TEX15: variants seen among roughly 807,000 people sequenced by gnomAD.
TEX15 encodes testis expressed 15, meiosis and synapsis associated, also known as testis-expressed protein 15.
TEX15 carries 171 observed loss-of-function variants against 237.3 expected under a neutral mutation model. That is an observed-to-expected ratio of 0.72 (90% CI 0.64 to 0.82). The LOEUF (loss-of-function observed/expected upper bound fraction) is 0.82. Ranked by LOEUF, TEX15 falls within the 40% of genes least tolerant of loss-of-function variation. TEX15 has a pLI of 0.00. For missense variants in TEX15, 3,750 were observed against 3,646.5 expected (o/e 1.03, Z -0.73); for synonymous variants, 1,338 against 1,269.8 (o/e 1.05, Z -1.14).
At chr8:30,897,802 A>G (rs1808934343) in intron 2 of TEX15, among the ~76,000 whole-genome samples, 1 of 152,094 alleles carries the variant, frequency 6.6e-6, no homozygotes, top group South Asian at 2.1e-4. Flanking sequence ...CTAGGATTGC[A>G]AGCACATGCC....
chr8:30,900,455 T>C (rs1447566041), intron 1 of TEX15, among the ~76,000 whole-genome samples: 1 of 152,234 alleles, frequency 6.6e-6, no homozygotes, highest in Admixed American at 6.5e-5. Context: ...ATTATATGAG[T>C]AATATGTGTA....
At chr8:30,858,637 T>C (rs1373924381) in intron 7 of TEX15, 31 bp downstream of exon 7, 1 of 1,492,004 alleles carries the variant, frequency 6.7e-7, no homozygotes, top group Non-Finnish European at 8.9e-7. Flanking sequence ...AGCACAAATA[T>C]TAATCAAGTA....
Position 30,848,075 on chromosome 8 carries a change from T to C in TEX15, c.2092A>G (p.Ile698Val), listed in dbSNP as rs368805636. 15 of 1,612,818 alleles carry C rather than the reference T, an allele frequency of 9.3e-6. No homozygotes were observed. Among genetic ancestry groups the C allele is most frequent in the Admixed American group, 5.0e-5 (3 of 59,940 alleles). Residue 698 changes from isoleucine (I) to valine (V), a missense_variant, in exon 8 of 11, where the codon ATA (isoleucine) becomes GTA (valine). Transcript: ENST00000643185. ...TGATCTAGTTCATCCTTATCCTTTA[T>C]GGTAGATGTAGAAGATTTTGTTATT... is the stretch of plus-strand genomic sequence containing the variant. ...LEITKSSTST[I>V]KDKDELDHLA...
chr8:30,838,052 T>A lies in TEX15; in HGVS notation c.8232A>T (p.Gly2744=). 5.0e-6 allele frequency: 8 copies of A among 1,608,580 alleles called. No individual in the cohort carries two copies. The highest frequency in any genetic ancestry group is 6.8e-6 in the Non-Finnish European group (8 of 1,178,328). ...KATFKHPRTT[G]SHPKSENKIV... is the part of the protein sequence containing the mutation. The stretch of plus-strand genomic sequence containing the variant: ...TTTTGTTTTCGCTTTTGGGATGAGA[T>A]CCTGTAGTCCTATTAGGTGCAACAC... Residue 2744 remains glycine, a synonymous_variant, in exon 10 of 11, where the codon GGA becomes GGT. Coordinates refer to ENST00000643185, the MANE Select transcript of TEX15 (RefSeq NM_001350162.2).
chr8:30,875,133 T>C, intron 3 of TEX15, 31 bp from the exon 4 acceptor site: 3 of 1,218,642 alleles, frequency 2.5e-6, no homozygotes, highest in Non-Finnish European at 2.1e-6. Context: ...AGCAGTTGTA[T>C]TTAAAATGAC....
At chr8:30,851,014 T>C (rs986633818) in intron 7 of TEX15, among the ~76,000 whole-genome samples, 4 of 152,204 alleles carry the variant, frequency 2.6e-5, no homozygotes, top group Non-Finnish European at 5.9e-5. Context: ...CTTTTTAATA[T>C]GGTTCATGGA....
chr8:30,909,748 T>C (rs1450257268), intron 1 of TEX15, among the ~76,000 whole-genome samples: 3 of 152,140 alleles, frequency 2.0e-5, no homozygotes, highest in Non-Finnish European at 2.9e-5. Flanking sequence ...CCACAGAACA[T>C]CAATTTTAAA....
chr8:30,876,580 T>G (rs1808404104), intron 3 of TEX15, among the ~76,000 whole-genome samples: 1 of 152,168 alleles, frequency 6.6e-6, no homozygotes, highest in Non-Finnish European at 1.5e-5. Context: ...ATGTACAGAT[T>G]GGCAAGTTTC....
rs1159340324 is a variant in TEX15 at position 30,860,106 on chromosome 8, G to A, written c.541-49C>T. Reference sequence around the variant, plus strand: ...AAAGTACGTAAAAATATACCAAAACGTTTCTAAACTGTCACATTTCAAACA... The same window carrying A: ...AAAGTACGTAAAAATATACCAAAACATTTCTAAACTGTCACATTTCAAACA... On this transcript the variant is annotated intron_variant, in intron 5 of 10. Transcript: ENST00000643185. The A allele has an allele frequency of 5.9e-6, 8 of 1,350,716 alleles. No homozygotes were observed. The Admixed American group carries it at 1.2e-4, about 21-fold the overall frequency. 83.7% of individuals were successfully genotyped at this position (1,350,716 alleles called of 1,614,324 possible). A position where few individuals can be genotyped will look rare whatever the true frequency, so the allele number is the denominator to read the frequency against.
At chr8:30,886,970 G>A (rs1171142767) in intron 3 of TEX15, 197 bp downstream of exon 3, 1 of 435,964 alleles carries the variant, frequency 2.3e-6, no homozygotes, top group Non-Finnish European at 3.9e-6. Context: ...GGGTTTTTAG[G>A]TGTACTTAGT....
intron 3 of TEX15, among the ~76,000 whole-genome samples, chr8:30,886,270 A>G (rs1461748119): frequency 6.6e-6 from 1 of 152,182 alleles, no homozygotes; most frequent in Non-Finnish European, 1.5e-5. Context: ...CTTTAATACT[A>G]TGCAGAGGTG....
At chr8:30,856,912 C>T (rs1807923919) in intron 7 of TEX15, among the ~76,000 whole-genome samples, 1 of 152,116 alleles carries the variant, frequency 6.6e-6, no homozygotes, top group Non-Finnish European at 1.5e-5. Flanking sequence ...TGTTGGCAGA[C>T]CTTGATAAGC....
chr8:30,898,481 G>A (rs1415245069), intron 2 of TEX15, among the ~76,000 whole-genome samples: 1 of 152,064 alleles, frequency 6.6e-6, no homozygotes, highest in Non-Finnish European at 1.5e-5. Flanking sequence ...CCAGAACTGT[G>A]AAAAATAAAT....
At chr8:30,912,334 T>TCATAGGC (rs1440679200) in intron 1 of TEX15, among the ~76,000 whole-genome samples, 3 of 150,844 alleles carry the variant, frequency 2.0e-5, no homozygotes, top group Admixed American at 6.6e-5. Context: ...GCGGCGGGGC[T>TCATAGGC]CCCGCCCCCT....
chr8:30,843,070 T>C lies in TEX15; in HGVS notation c.7097A>G (p.His2366Arg), dbSNP rs1198473459. The change falls in exon 8 of 11, where the codon CAC becomes CGC. Residue 2366 changes from histidine to arginine, a missense_variant. His to Arg is a conservative substitution (Grantham distance 29). Transcript: ENST00000643185. The part of the protein sequence containing the change: ...NSKFNSNLLA[H>R]PDICCISEIL... The stretch of plus-strand genomic sequence containing the variant: ...CTCACTAATACAACAAATATCTGGG[T>C]GTGCAAGCAAATTACTGTTAAATTT... The C allele has an allele frequency of 1.9e-6, 3 of 1,613,394 alleles. No individual in the cohort carries two copies. Among genetic ancestry groups the C allele is most frequent in the South Asian group, 1.1e-5 (1 of 90,894 alleles).
intron 5 of TEX15, among the ~76,000 whole-genome samples, chr8:30,864,240 G>A (rs1408333475): frequency 6.6e-6 from 1 of 150,942 alleles, no homozygotes; most frequent in Non-Finnish European, 1.5e-5. Context: ...CTTAAAGATT[G>A]GAAAACGAAA....
chr8:30,834,212 G>A (rs1256042735), intron 10 of TEX15, among the ~76,000 whole-genome samples: 3 of 151,982 alleles, frequency 2.0e-5, no homozygotes, highest in African/African-American at 4.8e-5. Context: ...TAACCTTGTC[G>A]CCCAGTATGG....
intron 1 of TEX15, among the ~76,000 whole-genome samples, chr8:30,903,163 G>A (rs1344132368): frequency 6.6e-6 from 1 of 152,156 alleles, no homozygotes; most frequent in African/African-American, 2.4e-5. Context: ...AATGACCTAT[G>A]CTGTATGGAT....
chr8:30,848,163 CTCTT>C lies in TEX15; in HGVS notation c.2000_2003del (p.Lys667ArgfsTer16). ...TCCCAAAAGAATTATGACTCTCACT[CTCTT>C]TGTATTCTTGGTGCAAAACAATGTA... On this transcript the variant is annotated frameshift_variant, in exon 8 of 11. Transcript: ENST00000643185. LOFTEE classifies it high-confidence loss of function. The C allele has an allele frequency of 6.2e-7, 1 of 1,611,028 alleles. No homozygotes were observed. Among genetic ancestry groups the C allele is most frequent in the South Asian group, 1.1e-5 (1 of 90,404 alleles).
Sources: gnomAD v4.1 joint callset for allele counts (sites outside exome capture counted in the v4.1 genomes callset) on GRCh38, gnomAD v4.1.1 for gene constraint, MANE v1.5 for transcripts, NCBI Gene and HGNC (gene_info 2026-07-23, HGNC 2026-07-21) for gene names.